Variants in USP35 observed in about 807,000 individuals in gnomAD.
USP35 encodes ubiquitin carboxyl-terminal hydrolase 35.
In USP35, 69 loss-of-function variants were observed where a neutral mutation model predicts 83.8. The ratio of observed to expected loss-of-function variants is 0.82; its 90% confidence interval spans 0.68 to 1.01. USP35 has a LOEUF of 1.01. Among genes scored for constraint, USP35 ranks in the 50% least tolerant of loss-of-function variants. USP35 has a pLI of 0.00. For synonymous variants in USP35, 714 were observed against 589.5 expected, an observed-to-expected ratio of 1.21 and a Z score of -3.06; for missense variants, 1,503 against 1,362.5, an observed-to-expected ratio of 1.10 and a Z score of -1.62.
intron 6 of USP35, among the ~76,000 whole-genome samples, chr11:78,201,673 T>G (rs184926173): frequency 6.6e-6 from 1 of 152,310 alleles, no homozygotes; most frequent in East Asian, 1.9e-4. Context: ...ACACTTGAGA[T>G]TATTTTCCTG....
chr11:78,210,500 A>C lies in USP35; in HGVS notation c.2645A>C (p.Asp882Ala). 6.2e-7 allele frequency: 1 copy of C among 1,614,132 alleles called. No individual in the cohort carries two copies. The highest frequency in any genetic ancestry group is 1.3e-5 in the African/African-American group (1 of 75,068). The change falls in exon 10 of 11, where the codon GAT becomes GCT. Residue 882 changes from aspartate to alanine, a missense_variant. Physicochemically the swap from Asp to Ala is moderately radical, Grantham distance 126. Transcript: ENST00000529308. The stretch of plus-strand genomic sequence containing the variant: ...CCTGCCGCTTCTCTGGGAACTGCCG[A>C]TAGGCCAGAGCCCGAGAACCAGTGG... ...ARPAASLGTA[D>A]RPEPENQWYL...
At chr11:78,193,655 G>A (rs1049020308) in intron 1 of USP35, among the ~76,000 whole-genome samples, 1 of 152,142 alleles carries the variant, frequency 6.6e-6, no homozygotes, top group Admixed American at 6.5e-5. Context: ...GACATTTTCT[G>A]AGAACTTCCT....
rs763541941 is a variant in USP35, at chr11:78,210,649, G to C, written c.2794G>C (p.Glu932Gln). Residue 932 changes from glutamate to glutamine, a missense_variant, in exon 10 of 11, where the codon GAG becomes CAG. Coordinates refer to ENST00000529308, the MANE Select transcript of USP35 (RefSeq NM_020798.4). Reference sequence around the variant, plus strand: ...CCGGCAGCGGCCCAGGGAGGGGCCCGAGGCTGAGTTGGGCTCTTCTAGAGT... The same window carrying C: ...CCGGCAGCGGCCCAGGGAGGGGCCCCAGGCTGAGTTGGGCTCTTCTAGAGT... ...FYRQRPREGP[E>Q]AELGSSRVRT... 2.0e-4 allele frequency: 322 copies of C among 1,613,998 alleles called. 3 individuals carry two copies. The East Asian group carries it at 7.0e-3, about 35-fold the overall frequency.
At position 78,198,652 on chromosome 11, in the gene USP35, A is replaced by G. The variant is rs1009205830; in HGVS notation, c.806+584A>G. 6 of 985,184 alleles carry G rather than the reference A, an allele frequency of 6.1e-6. No homozygotes were observed. In the African/African-American group the frequency reaches 8.7e-5, roughly 14 times the overall value. 61.0% of individuals were successfully genotyped at this position (985,184 alleles called of 1,614,324 possible). ...GCCATTCTTTCCATCCCGTGTGCAG[A>G]TCCACCGTCTTCGTAGGGCCTTCCT... On this transcript the variant is annotated intron_variant, in intron 3 of 10. Transcript: ENST00000529308.
At position 78,214,380 on chromosome 11, in the gene USP35, G is replaced by GC. The variant is rs1555090246; in HGVS notation, c.*567_*568insC. On this transcript the variant is annotated 3_prime_UTR_variant, in exon 11 of 11. Coordinates refer to ENST00000529308, the MANE Select transcript of USP35 (RefSeq NM_020798.4). ...TACCAAGCGCCACTGCATGGTTTTGGGGGGGGGGGCGGGGGGCTAGCTTCT... is the reference window on the plus strand; with the variant it reads ...TACCAAGCGCCACTGCATGGTTTTGGCGGGGGGGGGCGGGGGGCTAGCTTCT... The GC allele has an allele frequency of 7.8e-6, 1 of 127,742 alleles. No homozygotes were observed. Among genetic ancestry groups the GC allele is most frequent in the African/African-American group, 2.8e-5 (1 of 35,434 alleles). 7.9% of individuals were successfully genotyped at this position (127,742 alleles called of 1,614,324 possible). A position where few individuals can be genotyped will look rare whatever the true frequency, so the allele number is the denominator to read the frequency against.
Position 78,209,496 on chromosome 11 carries a change from G to A in USP35, c.1641G>A (p.Lys547=). The change falls in exon 10 of 11, where the codon AAG becomes AAA. Residue 547 remains lysine (K), a synonymous_variant. Coordinates refer to ENST00000529308, the MANE Select transcript of USP35 (RefSeq NM_020798.4). ...GCACAAGGATCTGCCAGAAACTCAA[G>A]CAGTCCAGCTCGCCCTCTCCGCCCG... is the stretch of plus-strand genomic sequence containing the variant. ...KTGTRICQKL[K]QSSSPSPPEE... 6.2e-7 allele frequency: 1 copy of A among 1,613,534 alleles called. No homozygotes were observed. Among genetic ancestry groups the A allele is most frequent in the Non-Finnish European group, 8.5e-7 (1 of 1,179,644 alleles).
At chr11:78,220,381 T>C in the USP35 span, 1 of 1,612,748 alleles carries the variant, frequency 6.2e-7, no homozygotes, top group African/African-American at 1.3e-5. Context: ...ACGCTGCCGG[T>C]GCTCTTCTTA....
chr11:78,229,840 AG>A, the USP35 span, among the ~76,000 whole-genome samples: 1 of 152,180 alleles, frequency 6.6e-6, no homozygotes, highest in Non-Finnish European at 1.5e-5. Flanking sequence ...TGTGTCTGGA[AG>A]GCTTCTTACC....
downstream of USP35, chr11:78,219,436 A>C (rs1409476463): frequency 1.2e-6 from 2 of 1,612,616 alleles, no homozygotes; most frequent in South Asian, 2.2e-5. Context: ...AGAGTGGGAA[A>C]GAGGGAGTAG....
rs939152313 is a variant in USP35 at position 78,196,476 on chromosome 11, C to A, written c.231C>A (p.Ala77=). ...VAGRHHPDVF[A]EFFSARRVLR... ...GCCGCCACCACCCCGACGTCTTCGCCGAGTTCTTCAGCGCGCGTCGCGTGC... is the reference window on the plus strand; with the variant it reads ...GCCGCCACCACCCCGACGTCTTCGCAGAGTTCTTCAGCGCGCGTCGCGTGC... Residue 77 remains alanine (A), a synonymous_variant, in exon 2 of 11, where the codon GCC becomes GCA. Coordinates refer to ENST00000529308, the MANE Select transcript of USP35 (RefSeq NM_020798.4). The surrounding 1 kb of genome is among the most constrained non-coding windows in gnomAD (Gnocchi z 4.8). 6.4e-6 allele frequency: 8 copies of A among 1,243,672 alleles called. No homozygotes were observed. The highest frequency in any genetic ancestry group is 8.1e-6 in the Non-Finnish European group (8 of 992,308). The allele number at this position is 1,243,672 out of a possible 1,614,324, so 77.0% of individuals were successfully genotyped here. A position where few individuals can be genotyped will look rare whatever the true frequency, so the allele number is the denominator to read the frequency against.
Position 78,214,686 on chromosome 11 carries a change from A to AT in USP35, c.*874dup, listed in dbSNP as rs1405431700. On this transcript the variant is annotated 3_prime_UTR_variant, in exon 11 of 11. Transcript: ENST00000529308. The stretch of plus-strand genomic sequence containing the variant: ...ACAAGACAGACACCCATGTTCATAA[A>AT]TAAATAAAAGTAAGCCTAAGCAAGA... The AT allele has an allele frequency of 3.3e-5, 5 of 152,272 alleles. No individual in the cohort carries two copies. The highest frequency in any genetic ancestry group is 4.1e-4 in the South Asian group (2 of 4,828). The allele number at this position is 152,272 out of a possible 1,614,324, so 9.4% of individuals were successfully genotyped here.
chr11:78,213,178 G>C (rs774749687), intron 10 of USP35, among the ~76,000 whole-genome samples: 2 of 152,234 alleles, frequency 1.3e-5, no homozygotes, highest in Non-Finnish European at 2.9e-5. Flanking sequence ...AGGGGCCTGA[G>C]GCTGAGTCAG....
rs116794406 is a variant in USP35, at chr11:78,196,179, G to A, written c.-10-57G>A. The A allele has an allele frequency of 1.1e-3, 1,683 of 1,513,918 alleles. 15 individuals are homozygous for A. The African/African-American group carries it at 0.021, about 19-fold the overall frequency. 93.8% of individuals were successfully genotyped at this position (1,513,918 alleles called of 1,614,324 possible). A position where few individuals can be genotyped will look rare whatever the true frequency, so the allele number is the denominator to read the frequency against. ...AGTCTCAGCACTCGGGGACTGCACC[G>A]GGAACTCTTGAGCCCCGCGGTTGTC... On this transcript the variant is annotated intron_variant, in intron 1 of 10. Transcript: ENST00000529308. The surrounding 1 kb of genome is among the most constrained non-coding windows in gnomAD (Gnocchi z 4.8).
At chr11:78,208,190 T>C (rs889574890) in intron 8 of USP35, among the ~76,000 whole-genome samples, 1 of 152,174 alleles carries the variant, frequency 6.6e-6, no homozygotes, top group Non-Finnish European at 1.5e-5. Flanking sequence ...GGCAGAGTGC[T>C]CAGGACCTCA....
At chr11:78,230,623 T>C in the USP35 span, among the ~76,000 whole-genome samples, 16 of 152,364 alleles carry the variant, frequency 1.1e-4, no homozygotes, top group South Asian at 1.7e-3. Flanking sequence ...CCATATCCTG[T>C]ACCCTGGCAT....
the USP35 span, among the ~76,000 whole-genome samples, chr11:78,229,126 G>C: frequency 6.6e-6 from 1 of 152,250 alleles, no homozygotes; most frequent in Non-Finnish European, 1.5e-5. Flanking sequence ...GCTGACAGTT[G>C]GTATCAGCCC....
intron 4 of USP35, 129 bp from the exon 5 acceptor site, chr11:78,200,004 C>T: frequency 2.0e-6 from 2 of 1,019,140 alleles, no homozygotes; most frequent in Non-Finnish European, 3.0e-6. Context: ...GGTCTGTGAG[C>T]ACCTCAGTGT....
At chr11:78,191,660 G>A (rs1423419499) in intron 1 of USP35, among the ~76,000 whole-genome samples, 2 of 152,100 alleles carry the variant, frequency 1.3e-5, no homozygotes, top group Non-Finnish European at 2.9e-5. Context: ...GAAGTCAAGG[G>A]GTCTGATCCT....
chr11:78,205,818 C>A (rs371928988), intron 6 of USP35, 24 bp from the exon 7 acceptor site: 3 of 1,590,666 alleles, frequency 1.9e-6, no homozygotes, highest in East Asian at 4.5e-5. Flanking sequence ...CACCATCCTG[C>A]CTGCCTGCTT....
Sources: gnomAD v4.1 joint callset for allele counts (sites outside exome capture counted in the v4.1 genomes callset) on GRCh38, gnomAD v4.1.1 for gene constraint, Gnocchi (gnomAD v3.1) non-coding constraint, MANE v1.5 for transcripts, NCBI Gene and HGNC (gene_info 2026-07-23, HGNC 2026-07-21) for gene names.